TECPR2: variants seen among roughly 807,000 people sequenced by gnomAD.
TECPR2 encodes tectonin beta-propeller repeat containing 2.
A neutral mutation model predicts 138.1 loss-of-function variants in TECPR2; 65 were observed. That is an observed-to-expected ratio of 0.47 (90% CI 0.39 to 0.58). The LOEUF (loss-of-function observed/expected upper bound fraction) is 0.58. Ranked by LOEUF, TECPR2 falls within the 20% of genes least tolerant of loss-of-function variation. The pLI is 0.00. For missense variants in TECPR2, 1,553 were observed against 1,824.5 expected (o/e 0.85, Z 2.71); for synonymous variants, 746 against 749.8 (o/e 0.99, Z 0.08).
In TECPR2 at chr14:102,460,917, G is replaced by A. The variant is rs190902179; in HGVS notation, c.3641-4224G>A. Among the ~76,000 whole-genome samples the A allele has an allele frequency of 1.5e-3, 222 of 151,808 alleles. 1 individual carries two copies. The highest frequency in any genetic ancestry group is 9.8e-3 in the Admixed American group (150 of 15,234). ...TCACCGTGTTAGCCAGGATGGTCTC[G>A]ATCTCCTGATCTTGTGATCCACCCG... On this transcript the variant is annotated intron_variant, in intron 16 of 19. Coordinates refer to ENST00000359520, the MANE Select transcript of TECPR2 (RefSeq NM_014844.5).
chr14:102,453,575 A>T (rs750732391), intron 16 of TECPR2, among the ~76,000 whole-genome samples: 18 of 152,162 alleles, frequency 1.2e-4, no homozygotes, highest in Non-Finnish European at 2.4e-4. Flanking sequence ...AGCCCACAAC[A>T]TTAGATTTCT....
intron 4 of TECPR2, among the ~76,000 whole-genome samples, chr14:102,408,863 A>C (rs2274045): frequency 6.6e-6 from 1 of 152,000 alleles, no homozygotes; most frequent in Non-Finnish European, 1.5e-5. Flanking sequence ...CTTTTACTTG[A>C]AAAAGAAGCT....
chr14:102,472,415 A>G (rs971923736), intron 17 of TECPR2, among the ~76,000 whole-genome samples: 5 of 152,332 alleles, frequency 3.3e-5, no homozygotes, highest in African/African-American at 7.2e-5. Flanking sequence ...TGCCAGGAAA[A>G]TGGCCAAAAT....
In TECPR2 at chr14:102,451,176, G is replaced by T. The variant is rs370921710; in HGVS notation, c.3406+527G>T. On this transcript the variant is annotated intron_variant, in intron 15 of 19. Coordinates refer to ENST00000359520, the MANE Select transcript of TECPR2 (RefSeq NM_014844.5). ...GAGTACAGGGTTTGTGAGGGAGCCAGGGCACCAGAGGGTGAGGGAGCTGGC... is the reference window on the plus strand; with the variant it reads ...GAGTACAGGGTTTGTGAGGGAGCCATGGCACCAGAGGGTGAGGGAGCTGGC... Among the ~76,000 whole-genome samples the T allele has an allele frequency of 7.2e-5, 11 of 152,350 alleles. No individual in the cohort carries two copies. The East Asian group carries it at 1.9e-3, about 27-fold the overall frequency.
chr14:102,362,975 C>G lies in TECPR2; in HGVS notation c.-214C>G, dbSNP rs1181449851. 1.5e-6 allele frequency: 2 copies of G among 1,309,776 alleles called. No homozygotes were observed. The highest frequency in any genetic ancestry group is 5.0e-5 in the East Asian group (2 of 39,840). 81.1% of individuals were successfully genotyped at this position (1,309,776 alleles called of 1,614,324 possible). ...TCTGCCGCTCTAGCCCCCGGCGGAGCCAGCTGCTGCTCTTCGGTGCTGGCC... is the reference window on the plus strand; with the variant it reads ...TCTGCCGCTCTAGCCCCCGGCGGAGGCAGCTGCTGCTCTTCGGTGCTGGCC... On this transcript the variant is annotated 5_prime_UTR_variant, in exon 1 of 20. Transcript: ENST00000359520.
chr14:102,391,351 T>C (rs927885057), intron 2 of TECPR2, among the ~76,000 whole-genome samples: 3 of 152,186 alleles, frequency 2.0e-5, no homozygotes, highest in Non-Finnish European at 2.9e-5. Flanking sequence ...TGAGCCACTG[T>C]GCCAGGCCTA....
chr14:102,401,661 C>T (rs777271182), intron 2 of TECPR2, among the ~76,000 whole-genome samples: 1 of 149,812 alleles, frequency 6.7e-6, no homozygotes, highest in Non-Finnish European at 1.5e-5. Context: ...AAAAATTAGC[C>T]ATGCTTGGTG....
intron 1 of TECPR2, among the ~76,000 whole-genome samples, chr14:102,375,583 G>C (rs1225936618): frequency 6.6e-6 from 1 of 152,228 alleles, no homozygotes; most frequent in Non-Finnish European, 1.5e-5. Context: ...AAGTTGGTCA[G>C]TCCACTATGT....
intron 19 of TECPR2, 50 bp from the exon 20 acceptor site, chr14:102,498,053 C>CCAGCT: frequency 4.0e-6 from 4 of 1,008,128 alleles, no homozygotes; most frequent in South Asian, 3.6e-5. Flanking sequence ...CTGTGCCCAC[C>CCAGCT]CCACAGGCTG....
At chr14:102,397,019 TC>T (rs1054238569) in intron 2 of TECPR2, among the ~76,000 whole-genome samples, 12 of 152,118 alleles carry the variant, frequency 7.9e-5, no homozygotes, top group African/African-American at 2.9e-4. Flanking sequence ...TTTTATTTTT[TC>T]CCATTTGGGA....
At chr14:102,397,385 G>A (rs914470514) in intron 2 of TECPR2, among the ~76,000 whole-genome samples, 2 of 152,102 alleles carry the variant, frequency 1.3e-5, no homozygotes, top group Non-Finnish European at 2.9e-5. Flanking sequence ...CTGAAACTGT[G>A]AGACCACATA....
intron 6 of TECPR2, 114 bp from the exon 7 acceptor site, chr14:102,428,136 G>T: frequency 7.7e-7 from 1 of 1,305,186 alleles, no homozygotes; most frequent in African/African-American, 1.5e-5. Context: ...CCATAGTAAA[G>T]TGCAGTTATC....
chr14:102,477,319 G>A (rs1482801000), intron 17 of TECPR2, among the ~76,000 whole-genome samples: 2 of 151,356 alleles, frequency 1.3e-5, no homozygotes, highest in African/African-American at 2.4e-5. Context: ...GTGGTGAACC[G>A]TGATGACGCC....
rs558666110 is a variant in TECPR2, at chr14:102,486,919, G to C, written c.3790-10060G>C. On this transcript the variant is annotated intron_variant, in intron 17 of 19. Transcript: ENST00000359520. Reference sequence around the variant, plus strand: ...AAGAGGGTCTGCTACAGGGAAAAAAGAACTAGAAAGACCAAACAGAAGTCA... The same window carrying C: ...AAGAGGGTCTGCTACAGGGAAAAAACAACTAGAAAGACCAAACAGAAGTCA... Among the ~76,000 whole-genome samples, 19 of 152,286 alleles carry C rather than the reference G, an allele frequency of 1.2e-4. 1 individual carries two copies. Among genetic ancestry groups the C allele is most frequent in the African/African-American group, 4.6e-4 (19 of 41,554 alleles).
intron 2 of TECPR2, among the ~76,000 whole-genome samples, chr14:102,379,990 G>A (rs557519513): frequency 8.0e-5 from 12 of 149,596 alleles, no homozygotes; most frequent in African/African-American, 9.9e-5. Flanking sequence ...AGGCGTCCTA[G>A]TCACACTGCT....
intron 13 of TECPR2, among the ~76,000 whole-genome samples, chr14:102,447,029 C>T (rs1248345503): frequency 6.6e-6 from 1 of 152,194 alleles, no homozygotes; most frequent in East Asian, 1.9e-4. Flanking sequence ...TCAGCAAAGA[C>T]AGGAGAATTT....
At chr14:102,372,640 C>T (rs1434958057) in intron 1 of TECPR2, among the ~76,000 whole-genome samples, 3 of 152,126 alleles carry the variant, frequency 2.0e-5, no homozygotes, top group Non-Finnish European at 2.9e-5. Flanking sequence ...CCCAGCAAGT[C>T]TGGGCGTGGT....
At chr14:102,407,235 T>C in intron 2 of TECPR2, 103 bp from the exon 3 acceptor site, 1 of 1,413,720 alleles carries the variant, frequency 7.1e-7, no homozygotes, top group Non-Finnish European at 9.5e-7. Context: ...ATGTATGGAC[T>C]GCAGCCTGAT....
chr14:102,417,840 G>A (rs1406163731), intron 5 of TECPR2, among the ~76,000 whole-genome samples: 1 of 148,756 alleles, frequency 6.7e-6, no homozygotes, highest in Non-Finnish European at 1.5e-5. Context: ...GGGAGCCGTG[G>A]GGAGGCTGCC....
Sources: gnomAD v4.1 joint callset for allele counts (sites outside exome capture counted in the v4.1 genomes callset) on GRCh38, gnomAD v4.1.1 for gene constraint, MANE v1.5 for transcripts, NCBI Gene and HGNC (gene_info 2026-07-23, HGNC 2026-07-21) for gene names.